GPHN: variants seen among roughly 807,000 people sequenced by gnomAD.
The protein encoded by GPHN is gephyrin.
A neutral mutation model predicts 95.5 loss-of-function variants in GPHN; 17 were observed. That is an observed-to-expected ratio of 0.18 (90% CI 0.12 to 0.27). The LOEUF is 0.27. GPHN is among the 10% of genes least tolerant of loss of function. GPHN has a pLI of 1.00. For missense variants in GPHN, 660 were observed against 978.1 expected, an observed-to-expected ratio of 0.67 and a Z score of 4.34; for synonymous variants, 320 against 322.5, an observed-to-expected ratio of 0.99 and a Z score of 0.08.
the GPHN span, among the ~76,000 whole-genome samples, chr14:67,540,611 G>A: frequency 6.8e-6 from 1 of 147,876 alleles, no homozygotes; most frequent in African/African-American, 2.5e-5. Flanking sequence ...GGCTGACAAA[G>A]TGAGACTCTC....
the GPHN span, chr14:67,332,716 G>T: frequency 6.7e-7 from 1 of 1,503,540 alleles, no homozygotes; most frequent in South Asian, 1.3e-5. Context: ...GGCCATCTCT[G>T]ACTCATCCTA....
chr14:66,693,880 C>G (rs1412256375), intron 2 of GPHN, among the ~76,000 whole-genome samples: 1 of 151,972 alleles, frequency 6.6e-6, no homozygotes, highest in Non-Finnish European at 1.5e-5. Flanking sequence ...ATTGGTCCAC[C>G]AGAGTAGCCA....
intron 11 of GPHN, among the ~76,000 whole-genome samples, chr14:67,069,475 G>A (rs1341046701): frequency 1.3e-5 from 2 of 152,148 alleles, no homozygotes; most frequent in East Asian, 1.9e-4. Flanking sequence ...AGTCAGAGAC[G>A]GGAACATGTG....
intron 3 of GPHN, among the ~76,000 whole-genome samples, chr14:66,803,327 A>G (rs2060426408): frequency 6.6e-6 from 1 of 152,178 alleles, no homozygotes; most frequent in East Asian, 1.9e-4. Flanking sequence ...GACTATTCAA[A>G]ACTTTTTCTA....
intron 1 of GPHN, among the ~76,000 whole-genome samples, chr14:66,539,906 G>A (rs1207497855): frequency 6.6e-6 from 1 of 152,178 alleles, no homozygotes; most frequent in Non-Finnish European, 1.5e-5. Flanking sequence ...GCACTCTGGT[G>A]TCTTAAAAAT....
the GPHN span, chr14:67,590,226 A>C: frequency 2.9e-6 from 4 of 1,378,774 alleles, no homozygotes; most frequent in African/African-American, 6.0e-5. Context: ...AAGGGAGTGC[A>C]GTGGTGCTGC....
intron 3 of GPHN, among the ~76,000 whole-genome samples, chr14:66,782,216 A>G (rs1403956183): frequency 4.6e-5 from 7 of 152,130 alleles, no homozygotes; most frequent in Non-Finnish European, 7.4e-5. Flanking sequence ...AAATTTTCCA[A>G]TTTAGGACAT....
rs2063218116 is a variant in GPHN at position 66,866,264 on chromosome 14, C to CT, written c.295-13667dup. Among the ~76,000 whole-genome samples, 4 of 148,736 alleles carry CT rather than the reference C, an allele frequency of 2.7e-5. No individual in the cohort carries two copies. The South Asian group carries it at 6.3e-4, about 23-fold the overall frequency. On this transcript the variant is annotated intron_variant, in intron 4 of 22. Transcript: ENST00000478722. ...TTCTGAAGAACAGGAATGAGTAACT[C>CT]TTTTTTTTAACGTAGGTTGAAAGAC...
chr14:67,684,421 G>T, the GPHN span: 1 of 152,140 alleles, frequency 6.6e-6, no homozygotes, highest in Non-Finnish European at 1.5e-5. Flanking sequence ...TGGGTTAATG[G>T]TAGCTGAGGC....
chr14:67,247,701 T>C, the GPHN span, among the ~76,000 whole-genome samples: 3 of 152,036 alleles, frequency 2.0e-5, no homozygotes, highest in Admixed American at 1.3e-4. Flanking sequence ...TCTCAGCCTC[T>C]TGAGTAGCTG....
chr14:66,539,233 A>C (rs2059256384), intron 1 of GPHN, among the ~76,000 whole-genome samples: 1 of 151,952 alleles, frequency 6.6e-6, no homozygotes, highest in South Asian at 2.1e-4. Flanking sequence ...TGTTTCTAGG[A>C]AGGCTTTTTT....
the GPHN span, among the ~76,000 whole-genome samples, chr14:67,450,916 T>C: frequency 1.3e-5 from 2 of 152,168 alleles, no homozygotes; most frequent in Admixed American, 6.5e-5. Context: ...GCCCCTCCCA[T>C]CACAGGCCCA....
intron 11 of GPHN, among the ~76,000 whole-genome samples, chr14:67,061,772 A>T (rs746991795): frequency 6.6e-6 from 1 of 152,038 alleles, no homozygotes; most frequent in Non-Finnish European, 1.5e-5. Flanking sequence ...TTAGCCTCCC[A>T]AAGTACTAGT....
At chr14:67,656,316 A>G in the GPHN span, 1 of 1,141,620 alleles carries the variant, frequency 8.8e-7, no homozygotes. Flanking sequence ...TATTCCCTGA[A>G]TACAGAACTG....
At chr14:67,703,794 G>A in the GPHN span, among the ~76,000 whole-genome samples, 1 of 152,062 alleles carries the variant, frequency 6.6e-6, no homozygotes, top group Non-Finnish European at 1.5e-5. Context: ...CCCAACTTCA[G>A]CCTCCCTAAT....
chr14:67,504,082 C>T, the GPHN span, among the ~76,000 whole-genome samples: 21 of 151,944 alleles, frequency 1.4e-4, no homozygotes, highest in African/African-American at 4.6e-4. Flanking sequence ...CGTGCGATCT[C>T]GGCTCACTGC....
the GPHN span, chr14:67,446,129 G>A: frequency 4.1e-6 from 2 of 484,640 alleles, no homozygotes; most frequent in Non-Finnish European, 8.1e-6. Context: ...AAAAAGAAGA[G>A]GCAGGACCAG....
the GPHN span, chr14:67,648,719 G>A: frequency 2.0e-5 from 3 of 152,272 alleles, no homozygotes; most frequent in African/African-American, 7.2e-5. Flanking sequence ...AGAGTACTAA[G>A]ATGAATTCTA....
chr14:66,771,169 A>G (rs1049321472), intron 2 of GPHN, among the ~76,000 whole-genome samples: 2 of 152,106 alleles, frequency 1.3e-5, no homozygotes, highest in Non-Finnish European at 2.9e-5. Flanking sequence ...CACTCTCTTC[A>G]GTTGTCACTT....
Sources: gnomAD v4.1 joint callset for allele counts (sites outside exome capture counted in the v4.1 genomes callset) on GRCh38, gnomAD v4.1.1 for gene constraint, MANE v1.5 for transcripts, NCBI Gene and HGNC (gene_info 2026-07-23, HGNC 2026-07-21) for gene names.